The following DNM2 variants were observed in gnomAD, a reference collection of about 807,000 sequenced individuals.
The protein encoded by DNM2 is dynamin 2.
Under a neutral mutation model 99.0 loss-of-function variants are expected in DNM2, and 15 were observed. That is an observed-to-expected ratio of 0.15 (90% confidence interval 0.10 to 0.23). The LOEUF is 0.23. Ranked by LOEUF, DNM2 falls within the 10% of genes least tolerant of loss-of-function variation. The pLI is 1.00. For synonymous variants in DNM2, 525 were observed against 481.2 expected (o/e 1.09, Z -1.19); for missense variants, 742 against 1,189.4 (o/e 0.62, Z 5.53).
intron 3 of DNM2, among the ~76,000 whole-genome samples, chr19:10,773,371 A>ACTC (rs1325838044): frequency 2.0e-5 from 3 of 149,360 alleles, no homozygotes; most frequent in Non-Finnish European, 3.0e-5. Context: ...CTTGTCTCAA[A>ACTC]CTCCCGACCT....
Position 10,820,057 on chromosome 19 carries a change from G to A in DNM2, c.1749G>A (p.Lys583=). Residue 583 remains lysine, a synonymous_variant, in exon 16 of 21, where the codon AAG becomes AAA. Transcript: ENST00000389253. This position sits in a 1 kb window ranked among gnomAD's most constrained non-coding sequence, Gnocchi z 4.3. ...RDVEKGFMSN[K]HVFAIFNTEQ... ...TGGAGAAGGGCTTCATGTCCAACAA[G>A]CACGTCTTCGCCATCTTCAACACGG... 1 of 1,614,200 alleles carries A rather than the reference G, an allele frequency of 6.2e-7. No homozygotes were observed. Among genetic ancestry groups the A allele is most frequent in the Admixed American group, 1.7e-5 (1 of 60,032 alleles).
At chr19:10,719,436 T>C (rs959205023) in intron 1 of DNM2, among the ~76,000 whole-genome samples, 15 of 152,236 alleles carry the variant, frequency 9.9e-5, no homozygotes, top group African/African-American at 3.4e-4. Flanking sequence ...TGATCAGGCC[T>C]CAGTGGCTAG....
chr19:10,801,605 C>CA (rs34520425), intron 11 of DNM2, among the ~76,000 whole-genome samples: 6,033 of 56,346 alleles, frequency 0.11, 454 homozygotes, highest in East Asian at 0.47. Context: ...GTTCTTTTCT[C>CA]AAAAAAAAAA....
intron 1 of DNM2, among the ~76,000 whole-genome samples, chr19:10,746,727 GTTTTTTGT>G (rs1182878283): frequency 1.7e-5 from 2 of 116,210 alleles, no homozygotes; most frequent in Non-Finnish European, 3.3e-5. Context: ...CTTTTTTTTT[GTTTTTTGT>G]TTTTTTTTTT....
chr19:10,823,997 G>A (rs899367312), intron 17 of DNM2, 98 bp downstream of exon 17: 2 of 1,157,704 alleles, frequency 1.7e-6, no homozygotes, highest in Non-Finnish European at 2.5e-6. Context: ...GGCCATGTTA[G>A]CCAGGAGTCT....
chr19:10,729,296 T>C lies in DNM2; in HGVS notation c.161+10893T>C, dbSNP rs1384814203. 2.6e-5 allele frequency among the ~76,000 whole-genome samples: 4 copies of C among 151,574 alleles called. No homozygotes were observed. The East Asian group carries it at 7.8e-4, about 29-fold the overall frequency. Reference sequence around the variant, plus strand: ...GGTTGCAGTGATCCGAGGTGGAGGTTGCAGTAATCCGAGATCATGCCACGG... The same window carrying C: ...GGTTGCAGTGATCCGAGGTGGAGGTCGCAGTAATCCGAGATCATGCCACGG... On this transcript the variant is annotated intron_variant, in intron 1 of 20. Coordinates refer to ENST00000389253, the MANE Select transcript of DNM2 (RefSeq NM_001005361.3).
Position 10,796,271 on chromosome 19 carries a change from C to G in DNM2, c.1196+832C>G. 1 of 1,607,698 alleles carries G rather than the reference C, an allele frequency of 6.2e-7. No individual in the cohort carries two copies. The highest frequency in any genetic ancestry group is 8.5e-7 in the Non-Finnish European group (1 of 1,176,376). ...GTACGGGGGTTTGGTATCAGGCTCC[C>G]AGCGCCTCATTGGCCCCCACTGGTG... On this transcript the variant is annotated intron_variant, in intron 9 of 20. Coordinates refer to ENST00000389253, the MANE Select transcript of DNM2 (RefSeq NM_001005361.3). The surrounding 1 kb of genome is among the most constrained non-coding windows in gnomAD (Gnocchi z 5.6).
At chr19:10,822,187 C>CTTT (rs1245880128) in intron 16 of DNM2, among the ~76,000 whole-genome samples, 70 of 140,580 alleles carry the variant, frequency 5.0e-4, no homozygotes, top group Middle Eastern at 7.3e-3. Flanking sequence ...TTTTCTTTTT[C>CTTT]TTTTTTTTTT....
At chr19:10,805,870 C>G in intron 12 of DNM2, 46 bp from the exon 13 acceptor site, 1 of 1,613,882 alleles carries the variant, frequency 6.2e-7, no homozygotes, top group Non-Finnish European at 8.5e-7. Context: ...CCTTCTTCCC[C>G]CCCGGCATCT....
chr19:10,767,680 C>T (rs1000648275), intron 2 of DNM2, among the ~76,000 whole-genome samples: 2 of 151,860 alleles, frequency 1.3e-5, no homozygotes, highest in Admixed American at 6.6e-5. Flanking sequence ...CCGAGGTGGG[C>T]GGATCACCTG....
intron 8 of DNM2, among the ~76,000 whole-genome samples, chr19:10,794,577 A>G (rs1480572064): frequency 6.6e-6 from 1 of 152,000 alleles, no homozygotes; most frequent in African/African-American, 2.4e-5. Context: ...CCCCATCTCT[A>G]CTAAAAATAC....
intron 1 of DNM2, among the ~76,000 whole-genome samples, chr19:10,751,696 G>A (rs2070200669): frequency 1.3e-5 from 2 of 152,206 alleles, no homozygotes; most frequent in Non-Finnish European, 2.9e-5. Flanking sequence ...GGCTCCTGGC[G>A]CTCTCAGCCT....
At position 10,788,057 on chromosome 19, in the gene DNM2, C is replaced by G. The variant is rs542867729; in HGVS notation, c.992+1351C>G. Among the ~76,000 whole-genome samples, 7 of 150,622 alleles carry G rather than the reference C, an allele frequency of 4.6e-5. No homozygotes were observed. The East Asian group carries it at 1.4e-3, about 30-fold the overall frequency. On this transcript the variant is annotated intron_variant, in intron 7 of 20. Transcript: ENST00000389253. ...GACCAGCCTGGCCAACATGGTGAAACCCCTGTCTCTACTGAAAATACAAAA... is the reference window on the plus strand; with the variant it reads ...GACCAGCCTGGCCAACATGGTGAAAGCCCTGTCTCTACTGAAAATACAAAA...
intron 6 of DNM2, among the ~76,000 whole-genome samples, chr19:10,785,051 C>T (rs888606021): frequency 2.0e-5 from 3 of 152,078 alleles, no homozygotes; most frequent in Middle Eastern, 3.2e-3. Context: ...CTCCTAATCT[C>T]AGGTGATCTG....
Position 10,795,502 on chromosome 19 carries a change from T to C in DNM2, c.1196+63T>C, listed in dbSNP as rs2071900124. On this transcript the variant is annotated intron_variant, in intron 9 of 20. Coordinates refer to ENST00000389253, the MANE Select transcript of DNM2 (RefSeq NM_001005361.3). This position sits in a 1 kb window ranked among gnomAD's most constrained non-coding sequence, Gnocchi z 4.2. Reference sequence around the variant, plus strand: ...CTCCGTGGTGCGACCCCCCAGCTAATTGGGTCACCCACACCTCTGAGTCCC... The same window carrying C: ...CTCCGTGGTGCGACCCCCCAGCTAACTGGGTCACCCACACCTCTGAGTCCC... 16 of 1,586,836 alleles carry C rather than the reference T, an allele frequency of 1.0e-5. No individual in the cohort carries two copies. The highest frequency in any genetic ancestry group is 6.6e-5 in the South Asian group (6 of 90,560).
At position 10,777,188 on chromosome 19, in the gene DNM2, G is replaced by A; in HGVS notation, c.660G>A (p.Leu220=). The A allele has an allele frequency of 1.2e-6, 2 of 1,614,214 alleles. No homozygotes were observed. The highest frequency in any genetic ancestry group is 1.3e-5 in the African/African-American group (1 of 75,060). Residue 220 remains leucine, a synonymous_variant, in exon 5 of 21, where the codon TTG becomes TTA. Coordinates refer to ENST00000389253, the MANE Select transcript of DNM2 (RefSeq NM_001005361.3). ...MDEGTDARDV[L]ENKLLPLRRG... ...AGGGCACCGACGCCAGGGACGTCTTGGAGAACAAGTTGCTCCCGTTGAGAA... is the reference window on the plus strand; with the variant it reads ...AGGGCACCGACGCCAGGGACGTCTTAGAGAACAAGTTGCTCCCGTTGAGAA...
At chr19:10,761,258 A>T (rs1568284783) in intron 2 of DNM2, among the ~76,000 whole-genome samples, 1 of 152,072 alleles carries the variant, frequency 6.6e-6, no homozygotes, top group Admixed American at 6.6e-5. Context: ...AAGTGTTGGG[A>T]TTACAGGCGT....
intron 1 of DNM2, among the ~76,000 whole-genome samples, chr19:10,729,963 A>G (rs945610017): frequency 6.6e-6 from 1 of 151,956 alleles, no homozygotes; most frequent in African/African-American, 2.4e-5. Flanking sequence ...CCTGTGCTCA[A>G]GCCATCCTCC....
Position 10,802,326 on chromosome 19 carries a change from C to T in DNM2, c.1461C>T (p.Asn487=), listed in dbSNP as rs780182969. The T allele has an allele frequency of 9.3e-6, 15 of 1,614,080 alleles. No homozygotes were observed. The Admixed American group carries it at 2.0e-4, about 22-fold the overall frequency. ...TCGACATTGAGCAGTCCTACATCAA[C>T]ACGAACCATGAGGACTTCATCGGGT... ...LLIDIEQSYI[N]TNHEDFIGFA... Residue 487 remains asparagine (N), a synonymous_variant, in exon 12 of 21, where the codon AAC becomes AAT. Coordinates refer to ENST00000389253, the MANE Select transcript of DNM2 (RefSeq NM_001005361.3).
Sources: allele counts gnomAD v4.1 joint callset (sites outside exome capture counted in the v4.1 genomes callset), GRCh38; gene constraint gnomAD v4.1.1; non-coding constraint Gnocchi (gnomAD v3.1); transcripts MANE v1.5; gene names NCBI Gene and HGNC (gene_info 2026-07-23, HGNC 2026-07-21).